ARID1A: variants seen among roughly 807,000 people sequenced by gnomAD.
ARID1A encodes AT-rich interactive domain-containing protein 1A.
Under a neutral mutation model 212.6 loss-of-function variants are expected in ARID1A, and 20 were observed. That is an observed-to-expected ratio of 0.09 (90% CI 0.07 to 0.14). The LOEUF (loss-of-function observed/expected upper bound fraction) is 0.14. ARID1A is among the 10% of genes least tolerant of loss of function. ARID1A has a pLI of 1.00. For synonymous variants in ARID1A, 1,376 were observed against 1,222.1 expected, an observed-to-expected ratio of 1.13 and a Z score of -2.63; for missense variants, 2,587 against 3,059.0, an observed-to-expected ratio of 0.85 and a Z score of 3.64.
At chr1:26,763,340 A>T (rs2081010040) in intron 8 of ARID1A, 55 bp downstream of exon 8, 5 of 1,498,170 alleles carry the variant, frequency 3.3e-6, no homozygotes, top group Non-Finnish European at 4.5e-6. Flanking sequence ...TTATAGACCC[A>T]CTCAGATTAT....
At chr1:26,756,642 A>T (rs1019376168) in intron 4 of ARID1A, among the ~76,000 whole-genome samples, 10 of 151,470 alleles carry the variant, frequency 6.6e-5, no homozygotes, top group African/African-American at 2.2e-4. Flanking sequence ...CGGTTTCTCT[A>T]TTGAGGGCAA....
chr1:26,727,564 G>GAGA (rs1247816935), intron 1 of ARID1A: 1 of 152,176 alleles, frequency 6.6e-6, no homozygotes, highest in Non-Finnish European at 1.5e-5. Context: ...AAGGAGGTTG[G>GAGA]AGAAGAGCAC....
chr1:26,756,107 A>G (rs1483463688), intron 4 of ARID1A, among the ~76,000 whole-genome samples: 2 of 151,552 alleles, frequency 1.3e-5, no homozygotes, highest in Admixed American at 1.3e-4. Flanking sequence ...GCGCTTCAGT[A>G]CATGTCCAAA....
At chr1:26,710,526 C>CACACACACACACACACACACACACACACA (rs2080443184) in intron 1 of ARID1A, among the ~76,000 whole-genome samples, 1 of 151,490 alleles carries the variant, frequency 6.6e-6, no homozygotes, top group African/African-American at 2.4e-5. Flanking sequence ...CACACACACA[C>CACACACACACACACACACACACACACACA]ACCACTTGTT....
At chr1:26,749,442 C>T (rs185646126) in intron 4 of ARID1A, among the ~76,000 whole-genome samples, 29 of 152,220 alleles carry the variant, frequency 1.9e-4, no homozygotes, top group South Asian at 4.1e-4. Context: ...GATTAAACCT[C>T]CGGCTGAGCA....
chr1:26,706,543 C>T (rs374254595), intron 1 of ARID1A, among the ~76,000 whole-genome samples: 171 of 152,316 alleles, frequency 1.1e-3, no homozygotes, highest in African/African-American at 3.8e-3. Context: ...TGTTTACTCT[C>T]AACTGCCGTG....
chr1:26,731,668 C>A (rs2124790860), intron 3 of ARID1A, 64 bp downstream of exon 3: 3 of 1,549,474 alleles, frequency 1.9e-6, no homozygotes, highest in South Asian at 2.4e-5. Context: ...GGGTTAGTGT[C>A]ATGAGAACTT....
intron 4 of ARID1A, among the ~76,000 whole-genome samples, chr1:26,751,052 C>T (rs929695098): frequency 5.3e-5 from 8 of 151,708 alleles, no homozygotes; most frequent in African/African-American, 1.5e-4. Flanking sequence ...GTCAGGAGTT[C>T]GAGACCAACC....
In ARID1A at chr1:26,780,619, T is replaced by C. The variant is rs748388826; in HGVS notation, c.6721T>C (p.Leu2241=). 9.3e-6 allele frequency: 15 copies of C among 1,613,546 alleles called. No homozygotes were observed. The highest frequency in any genetic ancestry group is 7.7e-5 in the South Asian group (7 of 91,080). Residue 2241 remains leucine, a synonymous_variant, in exon 20 of 20, where the codon TTG becomes CTG. Transcript: ENST00000324856. This position sits in a 1 kb window ranked among gnomAD's most constrained non-coding sequence, Gnocchi z 7.2. ...MRRAARALLA[L]AKVDENHSEF... ...GCGGGCTGCCCGCGCGCTGCTTGCC[T>C]TGGCCAAGGTGGACGAGAACCACTC...
In ARID1A at chr1:26,779,776, C is replaced by T. The variant is rs760899285; in HGVS notation, c.5878C>T (p.His1960Tyr). 6 of 1,614,134 alleles carry T rather than the reference C, an allele frequency of 3.7e-6. No homozygotes were observed. The highest frequency in any genetic ancestry group is 5.1e-6 in the Non-Finnish European group (6 of 1,180,018). Reference sequence around the variant, plus strand: ...CATCAAGATCCTAGAGGACGAACCCCACAGTAAGGATGAGACCCCACTGTG... The same window carrying T: ...CATCAAGATCCTAGAGGACGAACCCTACAGTAAGGATGAGACCCCACTGTG... ...RNIKILEDEP[H>Y]SKDETPLCTL... The change falls in exon 20 of 20, where the codon CAC (histidine) becomes TAC (tyrosine). Residue 1960 changes from histidine to tyrosine, a missense_variant. This residue lies in a region of ARID1A where 168 missense variants were observed against 321.0 expected (regional missense o/e 0.52). Coordinates refer to ENST00000324856, the MANE Select transcript of ARID1A (RefSeq NM_006015.6).
chr1:26,731,531 C>T lies in ARID1A; in HGVS notation c.1730C>T (p.Ala577Val), dbSNP rs2080677237. 1.9e-6 allele frequency: 3 copies of T among 1,614,050 alleles called. No individual in the cohort carries two copies. The highest frequency in any genetic ancestry group is 2.5e-6 in the Non-Finnish European group (3 of 1,180,042). ...QPAPSTLSQQ[A>V]AYPQPQSQQS... ...GCACCCTCGACGCTCTCCCAGCAGG[C>T]TGCGTATCCTCAGCCCCAGTCTCAG... The change falls in exon 3 of 20, where the codon GCT (alanine) becomes GTT (valine). Residue 577 changes from alanine to valine, a missense_variant. Physicochemically the swap from Ala to Val is moderately conservative, Grantham distance 64. Coordinates refer to ENST00000324856, the MANE Select transcript of ARID1A (RefSeq NM_006015.6).
In ARID1A at chr1:26,696,156, G is replaced by A. The variant is rs2080247861; in HGVS notation, c.-248G>A. The A allele has an allele frequency of 2.0e-6, 1 of 509,494 alleles. No homozygotes were observed. Among genetic ancestry groups the A allele is most frequent in the Admixed American group, 5.2e-5 (1 of 19,282 alleles). The allele number at this position is 509,494 out of a possible 1,614,324, so 31.6% of individuals were successfully genotyped here. A position where few individuals can be genotyped will look rare whatever the true frequency, so the allele number is the denominator to read the frequency against. On this transcript the variant is annotated 5_prime_UTR_variant, in exon 1 of 20. Transcript: ENST00000324856. ...GCCGGGTCCCGAGCCTACAGAGCCG[G>A]GAGCAGCTGAGCCGCCGGCGCCTCG... is the stretch of plus-strand genomic sequence containing the variant.
At position 26,772,832 on chromosome 1, in the gene ARID1A, T is replaced by C. The variant is rs1037835480; in HGVS notation, c.3560T>C (p.Ile1187Thr). ...TGGAGCAGGAGCAATTCAGTTGGGA[T>C]CCAGGATGCCTTTAATGATGGAAGT... is the stretch of plus-strand genomic sequence containing the variant. Reference protein sequence around the residue: ...PGMSRSNSVGIQDAFNDGSDS... With the variant: ...PGMSRSNSVGTQDAFNDGSDS... The change falls in exon 14 of 20, where the codon ATC becomes ACC. Residue 1187 changes from isoleucine to threonine, a missense_variant. Transcript: ENST00000324856. 2 of 1,613,950 alleles carry C rather than the reference T, an allele frequency of 1.2e-6. No homozygotes were observed. Among genetic ancestry groups the C allele is most frequent in the African/African-American group, 2.7e-5 (2 of 74,890 alleles).
chr1:26,757,219 A>G (rs1464370442), intron 4 of ARID1A, among the ~76,000 whole-genome samples: 1 of 149,754 alleles, frequency 6.7e-6, no homozygotes, highest in Admixed American at 6.7e-5. Context: ...TGTCTCTTAA[A>G]AAAAAAAAAA....
intron 1 of ARID1A, among the ~76,000 whole-genome samples, chr1:26,720,874 AG>A (rs2080557656): frequency 6.6e-6 from 1 of 151,246 alleles, no homozygotes; most frequent in African/African-American, 2.4e-5. Context: ...CTGTCTCAAA[AG>A]AAAAAAAAAA....
chr1:26,773,746 A>G (rs2081106696), intron 16 of ARID1A, 29 bp downstream of exon 16: 4 of 1,614,134 alleles, frequency 2.5e-6, no homozygotes, highest in Non-Finnish European at 3.4e-6. Flanking sequence ...CGGTGCTGCT[A>G]TGGATCAGGC....
At chr1:26,778,427 A>G (rs1489462200) in intron 19 of ARID1A, 1 of 152,192 alleles carries the variant, frequency 6.6e-6, no homozygotes, top group Non-Finnish European at 1.5e-5. Context: ...TGGCCTATAT[A>G]TTATCCAAGG....
chr1:26,780,925 C>G lies in ARID1A; in HGVS notation c.*169C>G. ...TCCTGTTTCTCTCTCCTCCTTCCAC[C>G]TCCCCTCCCTCCATCACCTCACGCC... On this transcript the variant is annotated 3_prime_UTR_variant, in exon 20 of 20. Transcript: ENST00000324856. The surrounding 1 kb of genome is among the most constrained non-coding windows in gnomAD (Gnocchi z 7.2). 1.1e-6 allele frequency: 1 copy of G among 921,906 alleles called. No homozygotes were observed. The highest frequency in any genetic ancestry group is 1.6e-6 in the Non-Finnish European group (1 of 634,994). 57.1% of individuals were successfully genotyped at this position (921,906 alleles called of 1,614,324 possible).
At chr1:26,711,504 C>T (rs924595883) in intron 1 of ARID1A, among the ~76,000 whole-genome samples, 12 of 152,102 alleles carry the variant, frequency 7.9e-5, no homozygotes, top group Non-Finnish European at 1.5e-4. Flanking sequence ...CCCAAAGGCC[C>T]CACCTCCTAT....
Sources: gnomAD v4.1 joint callset for allele counts (sites outside exome capture counted in the v4.1 genomes callset) on GRCh38, gnomAD v4.1.1 for gene constraint, gnomAD v4.1.1 regional missense constraint, Gnocchi (gnomAD v3.1) non-coding constraint, MANE v1.5 for transcripts, NCBI Gene and HGNC (gene_info 2026-07-23, HGNC 2026-07-21) for gene names.